The following SEMA3D variants were observed in gnomAD, a reference collection of about 807,000 sequenced individuals.
SEMA3D encodes semaphorin-3D.
A neutral mutation model predicts 100.1 loss-of-function variants in SEMA3D; 84 were observed. The ratio of observed to expected loss-of-function variants is 0.84; its 90% CI spans 0.70 to 1.01. The LOEUF (loss-of-function observed/expected upper bound fraction) is 1.01, where lower values mean the gene tolerates loss of function less well. Ranked by LOEUF, SEMA3D falls within the 50% of genes least tolerant of loss-of-function variation. The pLI is 0.00. For missense variants in SEMA3D, 875 were observed against 934.1 expected, an observed-to-expected ratio of 0.94 and a Z score of 0.82; for synonymous variants, 312 against 320.7, an observed-to-expected ratio of 0.97 and a Z score of 0.29.
At chr7:85,226,469 C>T in the SEMA3D span, among the ~76,000 whole-genome samples, 4 of 152,032 alleles carry the variant, frequency 2.6e-5, no homozygotes, top group Non-Finnish European at 5.9e-5. Flanking sequence ...GTTGGTAAGC[C>T]CCCTTTTTCA....
chr7:85,137,103 A>G (rs1328536622), intron 2 of SEMA3D, among the ~76,000 whole-genome samples: 1 of 152,040 alleles, frequency 6.6e-6, no homozygotes, highest in Non-Finnish European at 1.5e-5. Context: ...TTTTGACTTA[A>G]TTCAGTTTTA....
chr7:85,102,142 C>A (rs1788766839), intron 3 of SEMA3D, among the ~76,000 whole-genome samples: 2 of 151,874 alleles, frequency 1.3e-5, no homozygotes, highest in Non-Finnish European at 2.9e-5. Flanking sequence ...AATGTTAAAC[C>A]TTTCAAATAA....
chr7:85,119,978 A>T (rs1469690034), intron 3 of SEMA3D, among the ~76,000 whole-genome samples: 20 of 122,602 alleles, frequency 1.6e-4, no homozygotes, highest in Admixed American at 1.1e-3. Context: ...TTTTTTTTTT[A>T]GAGACAGGGT....
chr7:85,150,370 A>ATATAT (rs1790340131), intron 2 of SEMA3D, among the ~76,000 whole-genome samples: 1 of 112,754 alleles, frequency 8.9e-6, no homozygotes, highest in African/African-American at 3.3e-5. Context: ...TATATATATT[A>ATATAT]TATATATATA....
chr7:85,195,781 AAAAC>A, the SEMA3D span, among the ~76,000 whole-genome samples: 61 of 152,332 alleles, frequency 4.0e-4, no homozygotes, highest in Non-Finnish European at 6.6e-4. Context: ...TACAAAGTTG[AAAAC>A]AAACAAAGAG....
intron 7 of SEMA3D, among the ~76,000 whole-genome samples, chr7:85,066,839 G>T (rs1053785795): frequency 2.0e-5 from 3 of 147,586 alleles, no homozygotes; most frequent in Non-Finnish European, 3.0e-5. Context: ...GAACGATCAG[G>T]GATAATTCAA....
chr7:85,185,091 GAAAAGGAGAACA>G (rs1791504033), intron 1 of SEMA3D, among the ~76,000 whole-genome samples: 1 of 149,106 alleles, frequency 6.7e-6, no homozygotes, highest in African/African-American at 2.6e-5. Context: ...AAAGGAGAAG[GAAAAGGAGAACA>G]AAAAGGAGAA....
chr7:85,161,852 A>T (rs1288006232), intron 1 of SEMA3D, among the ~76,000 whole-genome samples: 1 of 152,170 alleles, frequency 6.6e-6, no homozygotes, highest in Non-Finnish European at 1.5e-5. Context: ...ACAGTGCCGC[A>T]TACAAATATA....
At chr7:85,120,053 G>T (rs979375604) in intron 3 of SEMA3D, among the ~76,000 whole-genome samples, 2 of 150,726 alleles carry the variant, frequency 1.3e-5, no homozygotes, top group African/African-American at 4.9e-5. Flanking sequence ...CAATCCTCTC[G>T]CTTCAGCCTC....
At chr7:85,150,418 A>T (rs887743718) in intron 2 of SEMA3D, among the ~76,000 whole-genome samples, 20 of 143,848 alleles carry the variant, frequency 1.4e-4, no homozygotes, top group African/African-American at 4.8e-4. Context: ...ATATATATAC[A>T]CACACACACA....
chr7:85,103,204 G>C (rs978159308), intron 3 of SEMA3D, among the ~76,000 whole-genome samples: 9 of 151,580 alleles, frequency 5.9e-5, no homozygotes, highest in African/African-American at 1.9e-4. Context: ...AACCAAAACA[G>C]AAAAAAAATT....
chr7:85,021,389 T>A (rs922361081), intron 13 of SEMA3D, among the ~76,000 whole-genome samples: 34 of 151,780 alleles, frequency 2.2e-4, no homozygotes, highest in African/African-American at 7.7e-4. Flanking sequence ...TAGCAACTAA[T>A]TAATTCTACT....
At chr7:85,054,305 T>C (rs1197708379) in intron 9 of SEMA3D, among the ~76,000 whole-genome samples, 2 of 152,048 alleles carry the variant, frequency 1.3e-5, no homozygotes, top group African/African-American at 4.8e-5. Flanking sequence ...CCTTATTCTT[T>C]ATTTAACATA....
At chr7:85,180,785 A>C (rs1298102588) in intron 1 of SEMA3D, among the ~76,000 whole-genome samples, 1 of 152,156 alleles carries the variant, frequency 6.6e-6, no homozygotes, top group Non-Finnish European at 1.5e-5. Context: ...ATACTATATT[A>C]CATTTAGTTC....
In SEMA3D at chr7:85,168,617, ATTTTTT is replaced by A. The variant is rs3076565; in HGVS notation, c.-172-14884_-172-14879del. Among the ~76,000 whole-genome samples the A allele has an allele frequency of 5.0e-3, 679 of 135,350 alleles. 2 individuals carry two copies. Among genetic ancestry groups the A allele is most frequent in the African/African-American group, 0.018 (652 of 36,996 alleles). 88.8% of individuals were successfully genotyped at this position (135,350 alleles called of 152,430 possible). ...TGCAAAAGTAATTGCGGTTTCTGCA[ATTTTTT>A]TTTTTTTTTTTTTTTTAATTTTAAT... On this transcript the variant is annotated intron_variant, in intron 1 of 18. Transcript: ENST00000284136.
At chr7:85,022,220 ATATT>A (rs1404263981) in intron 13 of SEMA3D, among the ~76,000 whole-genome samples, 167 bp downstream of exon 13, 2 of 151,888 alleles carry the variant, frequency 1.3e-5, no homozygotes, top group African/African-American at 2.4e-5. Context: ...AAGTTGGGAG[ATATT>A]TATGATTATC....
At chr7:85,209,052 A>T in the SEMA3D span, among the ~76,000 whole-genome samples, 1 of 151,990 alleles carries the variant, frequency 6.6e-6, no homozygotes, top group African/African-American at 2.4e-5. Context: ...CAGCTTTCCA[A>T]GTTAATAAGT....
At chr7:85,195,429 T>C in the SEMA3D span, among the ~76,000 whole-genome samples, 1 of 152,010 alleles carries the variant, frequency 6.6e-6, no homozygotes, top group African/African-American at 2.4e-5. Context: ...ACTTTTTCTT[T>C]CTCCTTTTTT....
At chr7:85,084,546 A>T (rs1038944627) in intron 4 of SEMA3D, among the ~76,000 whole-genome samples, 2 of 152,076 alleles carry the variant, frequency 1.3e-5, no homozygotes, top group Non-Finnish European at 2.9e-5. Context: ...ATATTTATTG[A>T]TGCAGACCTT....
Sources: allele counts gnomAD v4.1 joint callset (sites outside exome capture counted in the v4.1 genomes callset), GRCh38; gene constraint gnomAD v4.1.1; transcripts MANE v1.5; gene names NCBI Gene and HGNC (gene_info 2026-07-23, HGNC 2026-07-21).